The following MAF variants were observed in gnomAD, a reference collection of about 807,000 sequenced individuals.
The protein encoded by MAF is transcription factor Maf.
MAF carries 10 observed loss-of-function variants against 22.0 expected under a neutral mutation model. The observed-to-expected ratio is 0.45, with a 90% CI of 0.28 to 0.77. The LOEUF is 0.77. Ranked by LOEUF, MAF falls within the 30% of genes least tolerant of loss-of-function variation. The probability of loss-of-function intolerance (pLI) is 0.12; values close to 1 mark genes in which losing one functional copy is unlikely to be tolerated. For missense variants in MAF, 544 were observed against 548.4 expected (o/e 0.99, Z 0.08); for synonymous variants, 337 against 255.8 (o/e 1.32, Z -3.03).
At chr16:79,581,111 A>C (rs114116688), downstream of MAF, among the ~76,000 whole-genome samples, 632 of 152,112 alleles carry the variant, frequency 4.2e-3, 3 homozygotes, top group African/African-American at 0.015. Flanking sequence ...TTAAATGTAC[A>C]GTAAGCACCT....
At chr16:79,334,484 T>C in the MAF span, among the ~76,000 whole-genome samples, 2 of 152,164 alleles carry the variant, frequency 1.3e-5, no homozygotes, top group Non-Finnish European at 2.9e-5. Flanking sequence ...AAATGTTCTA[T>C]ATCTTGACCA....
At chr16:79,488,995 G>C in the MAF span, among the ~76,000 whole-genome samples, 1 of 152,176 alleles carries the variant, frequency 6.6e-6, no homozygotes, top group Non-Finnish European at 1.5e-5. Context: ...CATGAAGCCA[G>C]AGGGAGAGAT....
chr16:79,398,446 G>A, the MAF span, among the ~76,000 whole-genome samples: 1 of 152,144 alleles, frequency 6.6e-6, no homozygotes, highest in African/African-American at 2.4e-5. Context: ...TATCTTTTAG[G>A]ATGTGGGGCA....
chr16:79,392,379 A>C, the MAF span, among the ~76,000 whole-genome samples: 12 of 148,978 alleles, frequency 8.1e-5, no homozygotes, highest in African/African-American at 3.0e-4. Context: ...GGGAGAAGGA[A>C]AGGAAAGGGA....
the MAF span, among the ~76,000 whole-genome samples, chr16:79,548,782 G>C: frequency 2.0e-5 from 3 of 152,126 alleles, no homozygotes; most frequent in African/African-American, 7.2e-5. Context: ...ACACTACATA[G>C]AAAAAGACCC....
chr16:79,334,863 ATGTG>A, the MAF span, among the ~76,000 whole-genome samples: 408 of 61,344 alleles, frequency 6.7e-3, 2 homozygotes, highest in African/African-American at 0.014. Context: ...GTGTGTGTGT[ATGTG>A]TGTGTGTGTG....
At chr16:79,572,226 G>A in the MAF span, among the ~76,000 whole-genome samples, 1 of 152,144 alleles carries the variant, frequency 6.6e-6, no homozygotes, top group African/African-American at 2.4e-5. Context: ...AGGGGAGTCT[G>A]GTAGCAACAC....
At chr16:79,215,256 C>T in the MAF span, among the ~76,000 whole-genome samples, 1 of 152,030 alleles carries the variant, frequency 6.6e-6, no homozygotes, top group Non-Finnish European at 1.5e-5. Flanking sequence ...ATCTTTTTTC[C>T]TTTTAAACAG....
At chr16:79,520,769 C>T in the MAF span, among the ~76,000 whole-genome samples, 2 of 152,106 alleles carry the variant, frequency 1.3e-5, no homozygotes, top group Non-Finnish European at 2.9e-5. Flanking sequence ...CACCTGAAAG[C>T]AAGAGCAGGA....
At chr16:79,212,138 C>T in the MAF span, 9 of 1,520,856 alleles carry the variant, frequency 5.9e-6, no homozygotes, top group Non-Finnish European at 7.9e-6. Context: ...AGCCTGAGGT[C>T]CCCTCGTCCC....
the MAF span, among the ~76,000 whole-genome samples, chr16:79,221,126 A>G: frequency 3.3e-5 from 5 of 152,212 alleles, no homozygotes; most frequent in Non-Finnish European, 5.9e-5. Flanking sequence ...AAGTTCGAAG[A>G]CTTTCTTGAC....
chr16:79,453,141 C>T, the MAF span, among the ~76,000 whole-genome samples: 1 of 152,188 alleles, frequency 6.6e-6, no homozygotes, highest in Non-Finnish European at 1.5e-5. Flanking sequence ...AGACCTCCGC[C>T]TAACTGGTAC....
At chr16:79,336,982 G>A in the MAF span, among the ~76,000 whole-genome samples, 16 of 152,320 alleles carry the variant, frequency 1.1e-4, no homozygotes, top group East Asian at 2.7e-3. Context: ...GACACTTGGT[G>A]TATACTGCAG....
chr16:79,432,076 C>T, the MAF span, among the ~76,000 whole-genome samples: 1 of 152,164 alleles, frequency 6.6e-6, no homozygotes, highest in Non-Finnish European at 1.5e-5. Context: ...TCCAAAATCC[C>T]TAGGTGTCAA....
chr16:79,572,760 G>A, the MAF span, among the ~76,000 whole-genome samples: 3 of 152,062 alleles, frequency 2.0e-5, no homozygotes, highest in Non-Finnish European at 2.9e-5. Flanking sequence ...GCTTGTGTCC[G>A]AGGCAATCCT....
chr16:79,317,809 T>A, the MAF span, among the ~76,000 whole-genome samples: 2 of 152,210 alleles, frequency 1.3e-5, no homozygotes, highest in Admixed American at 1.3e-4. Context: ...TCTGCACTTC[T>A]CTTTGCATGA....
chr16:79,384,207 G>T, the MAF span, among the ~76,000 whole-genome samples: 4 of 152,232 alleles, frequency 2.6e-5, no homozygotes, highest in South Asian at 6.2e-4. Flanking sequence ...ACTTTGGGAG[G>T]CCAAGTCAAG....
the MAF span, among the ~76,000 whole-genome samples, chr16:79,337,999 C>A: frequency 6.6e-6 from 1 of 152,148 alleles, no homozygotes; most frequent in Non-Finnish European, 1.5e-5. Flanking sequence ...TTGTGTCAGG[C>A]CCTGTGCTAG....
chr16:79,258,362 AC>A, the MAF span, among the ~76,000 whole-genome samples: 2 of 152,204 alleles, frequency 1.3e-5, no homozygotes, highest in Non-Finnish European at 2.9e-5. Context: ...TCCAACTTCC[AC>A]ACTCTGAATC....
Sources: allele counts gnomAD v4.1 joint callset (sites outside exome capture counted in the v4.1 genomes callset), GRCh38; gene constraint gnomAD v4.1.1; transcripts MANE v1.5; gene names NCBI Gene and HGNC (gene_info 2026-07-23, HGNC 2026-07-21).